Variants in LIMCH1 observed in about 807,000 individuals in gnomAD.
The protein encoded by LIMCH1 is LIM and calponin homology domains-containing protein 1.
LIMCH1 carries 113 observed loss-of-function variants against 176.5 expected under a neutral mutation model. The observed-to-expected ratio is 0.64, with a 90% CI of 0.55 to 0.75. The LOEUF (loss-of-function observed/expected upper bound fraction) is 0.75, where lower values mean the gene tolerates loss of function less well. Ranked by LOEUF, LIMCH1 falls within the 30% of genes least tolerant of loss-of-function variation. The probability of loss-of-function intolerance (pLI) is 0.00; values close to 1 mark genes in which losing one functional copy is unlikely to be tolerated. For missense variants in LIMCH1, 1,674 were observed against 1,814.9 expected, an observed-to-expected ratio of 0.92 and a Z score of 1.41; for synonymous variants, 619 against 645.9, an observed-to-expected ratio of 0.96 and a Z score of 0.63.
At chr4:41,631,558 C>T in intron 10 of LIMCH1, 81 bp downstream of exon 10, 1 of 1,163,840 alleles carries the variant, frequency 8.6e-7, no homozygotes, top group Non-Finnish European at 1.2e-6. Context: ...GCACATTATA[C>T]AAGCCCCTAG....
intron 7 of LIMCH1, among the ~76,000 whole-genome samples, chr4:41,625,119 A>G (rs2092855614): frequency 1.3e-5 from 2 of 152,176 alleles, no homozygotes; most frequent in African/African-American, 4.8e-5. Context: ...CTGCCCCTTG[A>G]GTATACTTTA....
chr4:41,467,188 C>T (rs1011299383), intron 1 of LIMCH1, among the ~76,000 whole-genome samples: 2 of 144,404 alleles, frequency 1.4e-5, no homozygotes, highest in African/African-American at 5.2e-5. Flanking sequence ...CACACACACA[C>T]ACACACACAC....
intron 14 of LIMCH1, among the ~76,000 whole-genome samples, chr4:41,639,842 C>T (rs921247896): frequency 2.0e-5 from 3 of 152,128 alleles, no homozygotes; most frequent in Non-Finnish European, 4.4e-5. Flanking sequence ...TTTGTGGCCT[C>T]GTGGGAGCCT....
chr4:41,528,087 GATGGCA>G (rs1234574368), intron 3 of LIMCH1, among the ~76,000 whole-genome samples: 5 of 152,034 alleles, frequency 3.3e-5, no homozygotes, highest in Admixed American at 6.5e-5. Flanking sequence ...ATTGATCTTA[GATGGCA>G]AATATATATG....
chr4:41,661,719 C>T (rs1365519892), intron 19 of LIMCH1, among the ~76,000 whole-genome samples: 1 of 152,152 alleles, frequency 6.6e-6, no homozygotes, highest in East Asian at 1.9e-4. Flanking sequence ...CATGCTCTTT[C>T]TTAAAGCTAC....
intron 4 of LIMCH1, chr4:41,612,474 G>A (rs1201185995): frequency 1.0e-5 from 7 of 696,754 alleles, no homozygotes; most frequent in African/African-American, 3.5e-5. Context: ...AATTTTAAGC[G>A]ACAGTCTGGA....
chr4:41,535,762 A>T (rs78851244), upstream of LIMCH1, among the ~76,000 whole-genome samples: 4,134 of 152,216 alleles, frequency 0.027, 86 homozygotes, highest in East Asian at 0.12. Context: ...GAAGTCTAAT[A>T]TCCTCTTTCT....
At chr4:41,684,287 C>T (rs180793628) in intron 26 of LIMCH1, 110 bp from the exon 27 acceptor site, 1 of 867,976 alleles carries the variant, frequency 1.2e-6, no homozygotes, top group East Asian at 2.7e-5. Flanking sequence ...AGAGTCCCAT[C>T]TCTTTTTTTA....
At chr4:41,589,152 T>C (rs2087017392) in intron 1 of LIMCH1, among the ~76,000 whole-genome samples, 1 of 152,132 alleles carries the variant, frequency 6.6e-6, no homozygotes, top group African/African-American at 2.4e-5. Flanking sequence ...GCAAAGTTTG[T>C]AAATGAAAGA....
rs530597278 is a variant in LIMCH1 at position 41,644,485 on chromosome 4, T to G, written c.2127-15T>G. ...TGATCGCGGTCCCTCTTGTGTTCGC[T>G]CTCTCCACACTCAGGAGCACCAGCA... On this transcript the variant is annotated splice_polypyrimidine_tract_variant and intron_variant, in intron 14 of 31. Coordinates refer to ENST00000503057, the MANE Select transcript of LIMCH1 (RefSeq NM_001330672.2). 24 of 1,522,098 alleles carry G rather than the reference T, an allele frequency of 1.6e-5. 1 individual carries two copies. In the South Asian group the frequency reaches 3.0e-4, roughly 19 times the overall value. 94.3% of individuals were successfully genotyped at this position (1,522,098 alleles called of 1,614,324 possible). A position where few individuals can be genotyped will look rare whatever the true frequency, so the allele number is the denominator to read the frequency against.
At position 41,589,167 on chromosome 4, in the gene LIMCH1, G is replaced by A. The variant is rs1178903681; in HGVS notation, c.-240-9753G>A. 2.0e-5 allele frequency among the ~76,000 whole-genome samples: 3 copies of A among 152,214 alleles called. No homozygotes were observed. In the East Asian group the frequency reaches 5.8e-4, roughly 29 times the overall value. On this transcript the variant is annotated intron_variant, in intron 1 of 31. Transcript: ENST00000503057. ...GCAAAGTTTGTAAATGAAAGAGCAG[G>A]TGTTATAGGTGAGAAAGAATGAGAA...
intron 1 of LIMCH1, among the ~76,000 whole-genome samples, chr4:41,430,424 C>A (rs371425313): frequency 6.6e-6 from 1 of 152,108 alleles, no homozygotes; most frequent in Admixed American, 6.6e-5. Flanking sequence ...CCACTACGCC[C>A]GGCTAATTTT....
intron 2 of LIMCH1, among the ~76,000 whole-genome samples, chr4:41,516,489 C>T (rs1307291957): frequency 6.6e-6 from 1 of 152,214 alleles, no homozygotes; most frequent in African/African-American, 2.4e-5. Context: ...TGTGCCTTCA[C>T]CTCCCGGGGA....
intron 1 of LIMCH1, among the ~76,000 whole-genome samples, chr4:41,468,730 T>C (rs2066521634): frequency 6.6e-6 from 1 of 152,076 alleles, no homozygotes; most frequent in Non-Finnish European, 1.5e-5. Context: ...TCAGGTAAGA[T>C]CAAAGGTGGT....
intron 1 of LIMCH1, among the ~76,000 whole-genome samples, chr4:41,492,393 C>T (rs1025291468): frequency 1.6e-5 from 2 of 127,978 alleles, no homozygotes; most frequent in African/African-American, 6.0e-5. Context: ...AGAGGGAGAC[C>T]GTAGAAAGAG....
At chr4:41,462,645 A>G (rs1363825019) in intron 1 of LIMCH1, among the ~76,000 whole-genome samples, 2 of 152,238 alleles carry the variant, frequency 1.3e-5, no homozygotes, top group Non-Finnish European at 2.9e-5. Context: ...TTGAACTTTT[A>G]TACATAACAT....
chr4:41,692,096 A>G (rs940199029), intron 30 of LIMCH1, among the ~76,000 whole-genome samples, 186 bp from the exon 31 acceptor site: 3 of 152,216 alleles, frequency 2.0e-5, no homozygotes, highest in Non-Finnish European at 4.4e-5. Context: ...TTAAGCTAAA[A>G]TTGCTAACTG....
intron 1 of LIMCH1, among the ~76,000 whole-genome samples, chr4:41,492,614 G>A (rs1483310763): frequency 2.6e-5 from 4 of 152,164 alleles, no homozygotes; most frequent in Non-Finnish European, 4.4e-5. Flanking sequence ...TTCTAGAAAT[G>A]TCATTTAGGT....
intron 17 of LIMCH1, among the ~76,000 whole-genome samples, chr4:41,648,044 G>A (rs2094136723): frequency 3.3e-5 from 5 of 152,108 alleles, no homozygotes; most frequent in Admixed American, 3.3e-4. Flanking sequence ...TAATCATATG[G>A]ACTCACACAC....
Sources: gnomAD v4.1 joint callset for allele counts (sites outside exome capture counted in the v4.1 genomes callset) on GRCh38, gnomAD v4.1.1 for gene constraint, MANE v1.5 for transcripts, NCBI Gene and HGNC (gene_info 2026-07-23, HGNC 2026-07-21) for gene names.